LAP3: variants seen among roughly 807,000 people sequenced by gnomAD.
LAP3 encodes the protein cytosol aminopeptidase.
A neutral mutation model predicts 58.8 loss-of-function variants in LAP3; 46 were observed. The observed-to-expected ratio is 0.78, with a 90% CI of 0.62 to 1.00. The LOEUF (loss-of-function observed/expected upper bound fraction) is 1.00, where lower values mean the gene tolerates loss of function less well. LAP3 is among the 50% of genes least tolerant of loss of function. The probability of loss-of-function intolerance (pLI) is 0.00; values close to 1 mark genes in which losing one functional copy is unlikely to be tolerated. For synonymous variants in LAP3, 257 were observed against 237.7 expected (o/e 1.08, Z -0.75); for missense variants, 615 against 659.1 (o/e 0.93, Z 0.73).
chr4:17,592,039 T>C (rs1051222115), intron 7 of LAP3, among the ~76,000 whole-genome samples: 5 of 152,114 alleles, frequency 3.3e-5, no homozygotes, highest in African/African-American at 1.2e-4. Flanking sequence ...GAGGATTACA[T>C]GAGCCCAGGA....
chr4:17,591,358 G>A (rs544345028), intron 7 of LAP3, among the ~76,000 whole-genome samples: 116 of 150,590 alleles, frequency 7.7e-4, no homozygotes, highest in Admixed American at 1.9e-3. Context: ...GGCCAGGCTC[G>A]TCTCAAACTC....
intron 7 of LAP3, 33 bp downstream of exon 7, chr4:17,589,010 G>A: frequency 3.1e-6 from 5 of 1,596,050 alleles, no homozygotes; most frequent in Non-Finnish European, 4.3e-6. Flanking sequence ...TTTGTATTTT[G>A]GTGAATTATT....
In LAP3 at chr4:17,598,499, C is replaced by A; in HGVS notation, c.1121C>A (p.Ala374Glu). 3.1e-6 allele frequency: 5 copies of A among 1,614,098 alleles called. No homozygotes were observed. The highest frequency in any genetic ancestry group is 4.2e-6 in the Non-Finnish European group (5 of 1,179,974). The part of the protein sequence containing the change: ...DAEGRLILAD[A>E]LCYAHTFNPK... ...GAGGGGAGGCTCATACTGGCTGATG[C>A]GCTCTGTTACGCACACACGTTTAAC... The change falls in exon 10 of 13, where the codon GCG (alanine) becomes GAG (glutamate). Residue 374 changes from alanine to glutamate, a missense_variant. Transcript: ENST00000226299.
intron 10 of LAP3, among the ~76,000 whole-genome samples, chr4:17,599,023 T>G (rs1035696748): frequency 1.3e-5 from 2 of 151,768 alleles, no homozygotes; most frequent in African/African-American, 4.8e-5. Context: ...CAGGCATGAG[T>G]CACTGTGCCT....
At position 17,598,577 on chromosome 4, in the gene LAP3, C is replaced by T; in HGVS notation, c.1180+19C>T. 6.4e-7 allele frequency: 1 copy of T among 1,553,188 alleles called. No homozygotes were observed. Among genetic ancestry groups the T allele is most frequent in the Non-Finnish European group, 8.9e-7 (1 of 1,125,004 alleles). On this transcript the variant is annotated intron_variant, in intron 10 of 12. Coordinates refer to ENST00000226299, the MANE Select transcript of LAP3 (RefSeq NM_015907.3). ...TTAACAGGTCAGACCGCGCACTTGC[C>T]TTGATTTTGTTTGAAGGAAGTCTTG...
chr4:17,605,205 C>T (rs547777359), intron 11 of LAP3, among the ~76,000 whole-genome samples: 3 of 152,026 alleles, frequency 2.0e-5, no homozygotes, highest in African/African-American at 7.2e-5. Context: ...CCTAACTCAG[C>T]CTGTCTTGAG....
intron 10 of LAP3, among the ~76,000 whole-genome samples, chr4:17,599,402 G>A (rs1329801587): frequency 6.6e-6 from 1 of 152,096 alleles, no homozygotes; most frequent in African/African-American, 2.4e-5. Context: ...TTGGGTGTGT[G>A]GCACGTGCCT....
intron 9 of LAP3, among the ~76,000 whole-genome samples, chr4:17,597,444 C>T (rs1371957256): frequency 1.3e-5 from 2 of 152,136 alleles, no homozygotes; most frequent in Admixed American, 1.3e-4. Context: ...GCCTGGCTAG[C>T]TTTTTGTAGA....
intron 10 of LAP3, among the ~76,000 whole-genome samples, chr4:17,603,770 T>C (rs1419295643): frequency 6.6e-6 from 1 of 151,280 alleles, no homozygotes; most frequent in Non-Finnish European, 1.5e-5. Flanking sequence ...CGCCTCAGCC[T>C]CCCAAAGTGC....
In LAP3 at chr4:17,577,456, A is replaced by C; in HGVS notation, c.-10A>C. ...CGCTGGAGGGCGGTGCGAGGGGCCG[A>C]GCCGACAAGATGTTCTTGCTGCCTC... is the stretch of plus-strand genomic sequence containing the variant. On this transcript the variant is annotated 5_prime_UTR_variant, in exon 1 of 13. Transcript: ENST00000226299. 1 of 1,554,008 alleles carries C rather than the reference A, an allele frequency of 6.4e-7. No individual in the cohort carries two copies. The highest frequency in any genetic ancestry group is 8.7e-7 in the Non-Finnish European group (1 of 1,150,874).
chr4:17,578,152 C>T (rs1713260404), intron 1 of LAP3, among the ~76,000 whole-genome samples: 1 of 152,192 alleles, frequency 6.6e-6, no homozygotes, highest in Non-Finnish European at 1.5e-5. Context: ...GAAGGATCTG[C>T]AAAGGGAATG....
In LAP3 at chr4:17,583,514, C is replaced by G. The variant is rs528149856; in HGVS notation, c.411C>G (p.Leu137=). 16 of 1,614,060 alleles carry G rather than the reference C, an allele frequency of 9.9e-6. No homozygotes were observed. In the South Asian group the frequency reaches 1.8e-4, roughly 18 times the overall value. Residue 137 remains leucine (L), a synonymous_variant, in exon 5 of 13, where the codon CTC becomes CTG. Coordinates refer to ENST00000226299, the MANE Select transcript of LAP3 (RefSeq NM_015907.3). The stretch of plus-strand genomic sequence containing the variant: ...GCAGGCAGATTCAAGACCTGGAGCT[C>G]TCGTCTGTGGAGGTGGATCCCTGTG... ...AGCRQIQDLE[L]SSVEVDPCGD...
chr4:17,598,965 T>G (rs904046373), intron 10 of LAP3, among the ~76,000 whole-genome samples: 6 of 152,092 alleles, frequency 3.9e-5, no homozygotes, highest in Admixed American at 3.3e-4. Flanking sequence ...TTCGAACTCC[T>G]GAACTCAGGT....
chr4:17,603,129 A>C (rs553301674), intron 10 of LAP3, among the ~76,000 whole-genome samples: 1 of 149,242 alleles, frequency 6.7e-6, no homozygotes, highest in South Asian at 2.2e-4. Context: ...AACACGGTGA[A>C]ACCCCCTCTC....
Position 17,607,399 on chromosome 4 carries a change from G to A in LAP3, c.1371-1G>A, listed in dbSNP as rs753497795. 4 of 1,609,282 alleles carry A rather than the reference G, an allele frequency of 2.5e-6. No homozygotes were observed. Among genetic ancestry groups the A allele is most frequent in the Non-Finnish European group, 3.4e-6 (4 of 1,178,380 alleles). On this transcript the variant is annotated splice_acceptor_variant, in intron 12 of 12. Transcript: ENST00000226299. LOFTEE classifies it high-confidence loss of function. Reference sequence around the variant, plus strand: ...AAAGTGCTTTTTGTCTTTCTCTTCAGATCTGCAGGAGCATGTACAGCTGCA... The same window carrying A: ...AAAGTGCTTTTTGTCTTTCTCTTCAAATCTGCAGGAGCATGTACAGCTGCA...
intron 10 of LAP3, among the ~76,000 whole-genome samples, chr4:17,599,081 C>T (rs762842032): frequency 2.0e-5 from 3 of 151,850 alleles, no homozygotes; most frequent in South Asian, 2.1e-4. Context: ...CCATGTTGGC[C>T]GGGCTGGTCT....
intron 4 of LAP3, among the ~76,000 whole-genome samples, chr4:17,583,221 G>A (rs1005405315): frequency 6.6e-6 from 1 of 152,196 alleles, no homozygotes; most frequent in African/African-American, 2.4e-5. Context: ...CACTTCCTGA[G>A]AGCCTGTACG....
intron 6 of LAP3, among the ~76,000 whole-genome samples, chr4:17,588,617 A>G (rs761694973): frequency 3.3e-5 from 5 of 152,232 alleles, no homozygotes; most frequent in Admixed American, 2.6e-4. Context: ...CATTTTATAG[A>G]TGAGGAAATA....
At chr4:17,598,823 G>A (rs1560347721) in intron 10 of LAP3, among the ~76,000 whole-genome samples, 1 of 152,034 alleles carries the variant, frequency 6.6e-6, no homozygotes, top group African/African-American at 2.4e-5. Context: ...CGTGATCTTG[G>A]CCTCCTGAGT....
Sources: allele counts gnomAD v4.1 joint callset (sites outside exome capture counted in the v4.1 genomes callset), GRCh38; gene constraint gnomAD v4.1.1; transcripts MANE v1.5; gene names NCBI Gene and HGNC (gene_info 2026-07-23, HGNC 2026-07-21).